Variants in HS2ST1 observed in about 807,000 individuals in gnomAD.
The protein encoded by HS2ST1 is 2-O-sulfotransferase.
Under a neutral mutation model 42.9 loss-of-function variants are expected in HS2ST1, and 18 were observed. The ratio of observed to expected loss-of-function variants is 0.42; its 90% confidence interval spans 0.29 to 0.62. HS2ST1 has a LOEUF of 0.62. HS2ST1 is among the 20% of genes least tolerant of loss of function. The pLI, the probability that HS2ST1 is intolerant of heterozygous loss-of-function variation, is 0.21. For missense variants in HS2ST1, 334 were observed against 433.8 expected (o/e 0.77, Z 2.04); for synonymous variants, 146 against 152.9 (o/e 0.95, Z 0.33).
intron 2 of HS2ST1, among the ~76,000 whole-genome samples, chr1:87,077,030 C>T (rs879570503): frequency 6.6e-6 from 1 of 152,172 alleles, no homozygotes; most frequent in Admixed American, 6.5e-5. Flanking sequence ...GTATGCTAAT[C>T]ACTGGTTAAA....
intron 1 of HS2ST1, among the ~76,000 whole-genome samples, chr1:87,054,624 T>C (rs1353482849): frequency 3.9e-5 from 6 of 152,198 alleles, no homozygotes; most frequent in Non-Finnish European, 8.8e-5. Flanking sequence ...TTTTTATTGC[T>C]AGGAAGCAAC....
intron 5 of HS2ST1, among the ~76,000 whole-genome samples, chr1:87,101,052 C>T (rs1652184510): frequency 6.6e-6 from 1 of 150,834 alleles, no homozygotes; most frequent in Non-Finnish European, 1.5e-5. Context: ...TTGATTGTAG[C>T]CTCTTAGACA....
chr1:86,985,031 C>G (rs1040388085), intron 1 of HS2ST1, among the ~76,000 whole-genome samples: 1 of 151,612 alleles, frequency 6.6e-6, no homozygotes, highest in Non-Finnish European at 1.5e-5. Context: ...ATATATCAGA[C>G]TCCCATAGTA....
chr1:87,101,003 T>C (rs1210241968), intron 5 of HS2ST1, among the ~76,000 whole-genome samples: 1 of 152,152 alleles, frequency 6.6e-6, no homozygotes, highest in Non-Finnish European at 1.5e-5. Context: ...CCCTTTAAAA[T>C]GTAAGTTCCA....
At chr1:87,002,131 C>G (rs1361705981) in intron 1 of HS2ST1, among the ~76,000 whole-genome samples, 1 of 151,940 alleles carries the variant, frequency 6.6e-6, no homozygotes, top group Non-Finnish European at 1.5e-5. Context: ...CCAGGATGGT[C>G]TCAATCTCCT....
At chr1:87,037,270 A>AATTC (rs71082062) in intron 1 of HS2ST1, among the ~76,000 whole-genome samples, 3 of 151,950 alleles carry the variant, frequency 2.0e-5, no homozygotes, top group African/African-American at 2.4e-5. Context: ...TTTCCCTGTG[A>AATTC]TGTGAAACAG....
At chr1:87,035,576 C>T (rs1650352951) in intron 1 of HS2ST1, among the ~76,000 whole-genome samples, 1 of 152,100 alleles carries the variant, frequency 6.6e-6, no homozygotes, top group African/African-American at 2.4e-5. Flanking sequence ...ATAGTGTAGA[C>T]CATAATATTT....
intron 1 of HS2ST1, among the ~76,000 whole-genome samples, chr1:86,989,937 T>C (rs1421863497): frequency 6.6e-6 from 1 of 152,116 alleles, no homozygotes; most frequent in African/African-American, 2.4e-5. Flanking sequence ...CCATGGTGTA[T>C]GTGCCACATT....
intron 1 of HS2ST1, among the ~76,000 whole-genome samples, chr1:86,915,565 A>G (rs1184946912): frequency 2.0e-5 from 3 of 152,168 alleles, no homozygotes; most frequent in Admixed American, 6.5e-5. Flanking sequence ...GATGAGGGGT[A>G]TTCTAATTTG....
chr1:87,093,431 CT>C (rs1651991318), intron 4 of HS2ST1, among the ~76,000 whole-genome samples: 1 of 152,056 alleles, frequency 6.6e-6, no homozygotes, highest in Non-Finnish European at 1.5e-5. Context: ...CTGGAAAACT[CT>C]TTATCCACCT....
chr1:87,104,738 C>G lies in HS2ST1; in HGVS notation c.*42C>G. ...TTGGATTCTTGAACTAAAATTTGAC[C>G]CTGTCTTCACCTTTGTTCTCAGCTC... On this transcript the variant is annotated 3_prime_UTR_variant, in exon 7 of 7. Transcript: ENST00000370550. The G allele has an allele frequency of 1.7e-6, 2 of 1,205,856 alleles. No individual in the cohort carries two copies. Among genetic ancestry groups the G allele is most frequent in the Non-Finnish European group, 2.4e-6 (2 of 818,134 alleles). 74.7% of individuals were successfully genotyped at this position (1,205,856 alleles called of 1,614,324 possible). A position where few individuals can be genotyped will look rare whatever the true frequency, so the allele number is the denominator to read the frequency against.
chr1:86,977,043 T>C (rs1210895261), intron 1 of HS2ST1, among the ~76,000 whole-genome samples: 2 of 151,972 alleles, frequency 1.3e-5, no homozygotes, highest in Non-Finnish European at 2.9e-5. Context: ...GAGAGAAACC[T>C]TGTCTCAAAA....
intron 1 of HS2ST1, among the ~76,000 whole-genome samples, chr1:86,921,589 G>T (rs955600885): frequency 1.3e-5 from 2 of 152,146 alleles, no homozygotes; most frequent in South Asian, 4.1e-4. Flanking sequence ...AGAGCTTGTG[G>T]CAGTGTGTTC....
At chr1:87,067,901 G>A (rs1056190764) in intron 1 of HS2ST1, among the ~76,000 whole-genome samples, 3 of 152,234 alleles carry the variant, frequency 2.0e-5, no homozygotes, top group Admixed American at 2.0e-4. Flanking sequence ...TATTTCTGAG[G>A]CCTCTGTTCT....
intron 1 of HS2ST1, among the ~76,000 whole-genome samples, chr1:87,012,387 G>A (rs1649626327): frequency 6.6e-6 from 1 of 152,112 alleles, no homozygotes; most frequent in African/African-American, 2.4e-5. Flanking sequence ...AGCTTGTGCA[G>A]GGGACAAGCT....
At chr1:87,078,108 G>A (rs1440473274) in intron 2 of HS2ST1, among the ~76,000 whole-genome samples, 1 of 152,216 alleles carries the variant, frequency 6.6e-6, no homozygotes, top group Admixed American at 6.5e-5. Context: ...AATTACTCAA[G>A]TTAATAGTAG....
At chr1:86,957,166 A>G (rs1442525984) in intron 1 of HS2ST1, among the ~76,000 whole-genome samples, 2 of 152,224 alleles carry the variant, frequency 1.3e-5, no homozygotes, top group African/African-American at 2.4e-5. Context: ...TTTATAGTCT[A>G]AGTTTCTTGA....
At chr1:87,024,505 A>G (rs1259732171) in intron 1 of HS2ST1, among the ~76,000 whole-genome samples, 1 of 94,324 alleles carries the variant, frequency 1.1e-5, no homozygotes, top group Non-Finnish European at 2.3e-5. Context: ...CGTCTCAAAG[A>G]AAAAAAAAAA....
rs1652418622 is a variant in HS2ST1, at chr1:87,109,492, T to C, written c.*4796T>C. ...TATTAGAATTAAAAAAATTTGAAAG[T>C]AACTTAATCTAACATTTATGGCACA... On this transcript the variant is annotated 3_prime_UTR_variant, in exon 7 of 7. Transcript: ENST00000370550. 1 of 152,014 alleles carries C rather than the reference T, an allele frequency of 6.6e-6. No individual in the cohort carries two copies. Among genetic ancestry groups the C allele is most frequent in the Non-Finnish European group, 1.5e-5 (1 of 67,946 alleles). The allele number at this position is 152,014 out of a possible 1,614,324, so 9.4% of individuals were successfully genotyped here. A position where few individuals can be genotyped will look rare whatever the true frequency, so the allele number is the denominator to read the frequency against.
Sources: allele counts gnomAD v4.1 joint callset (sites outside exome capture counted in the v4.1 genomes callset), GRCh38; gene constraint gnomAD v4.1.1; transcripts MANE v1.5; gene names NCBI Gene and HGNC (gene_info 2026-07-23, HGNC 2026-07-21).